Variants in ASB7 observed in about 807,000 individuals in gnomAD.
ASB7 encodes ankyrin repeat and SOCS box containing 7.
In ASB7, 4 loss-of-function variants were observed where a neutral mutation model predicts 32.5. The ratio of observed to expected loss-of-function variants is 0.12; its 90% CI spans 0.06 to 0.28. ASB7 has a LOEUF of 0.28. Ranked by LOEUF, ASB7 falls within the 10% of genes least tolerant of loss-of-function variation. ASB7 has a pLI of 1.00. For missense variants in ASB7, 181 were observed against 407.1 expected, an observed-to-expected ratio of 0.44 and a Z score of 4.78; for synonymous variants, 172 against 155.6, an observed-to-expected ratio of 1.11 and a Z score of -0.78.
intron 5 of ASB7, chr15:100,646,064 A>G (rs961127785): frequency 3.0e-5 from 12 of 406,334 alleles, no homozygotes; most frequent in African/African-American, 2.3e-4. Flanking sequence ...CCACTGCAAA[A>G]TTTAGTTCCT....
chr15:100,637,088 C>T (rs1033405446), intron 5 of ASB7, among the ~76,000 whole-genome samples: 1 of 152,300 alleles, frequency 6.6e-6, no homozygotes, highest in Middle Eastern at 3.4e-3. Flanking sequence ...CCTGTTCCTG[C>T]GAATGCTTTT....
At chr15:100,618,497 A>G (rs1233920866) in intron 4 of ASB7, among the ~76,000 whole-genome samples, 2 of 152,236 alleles carry the variant, frequency 1.3e-5, no homozygotes, top group Non-Finnish European at 2.9e-5. Flanking sequence ...TGTGGTGGAT[A>G]GTAAACCAAA....
chr15:100,632,781 AATT>A (rs2039893589), intron 5 of ASB7, among the ~76,000 whole-genome samples: 1 of 152,156 alleles, frequency 6.6e-6, no homozygotes, highest in African/African-American at 2.4e-5. Context: ...AGACCAAAAA[AATT>A]ATAATACCAG....
chr15:100,648,493 T>G lies in ASB7; in HGVS notation c.*31T>G. Reference sequence around the variant, plus strand: ...CAGAACTGTGAGCAAGATTAGGAGTTCTATTCTAGATACTTAAAAGGCTTT... The same window carrying G: ...CAGAACTGTGAGCAAGATTAGGAGTGCTATTCTAGATACTTAAAAGGCTTT... On this transcript the variant is annotated 3_prime_UTR_variant, in exon 6 of 6. Coordinates refer to ENST00000332783, the MANE Select transcript of ASB7 (RefSeq NM_198243.3). 6.4e-7 allele frequency: 1 copy of G among 1,561,168 alleles called. No individual in the cohort carries two copies. Among genetic ancestry groups the G allele is most frequent in the Non-Finnish European group, 8.8e-7 (1 of 1,142,576 alleles).
chr15:100,605,150 T>C (rs2039632383), intron 2 of ASB7, among the ~76,000 whole-genome samples: 1 of 152,220 alleles, frequency 6.6e-6, no homozygotes, highest in Admixed American at 6.5e-5. Flanking sequence ...ATAGTTTTTC[T>C]AAGATTAGGG....
At chr15:100,615,056 G>A (rs879639087) in intron 4 of ASB7, among the ~76,000 whole-genome samples, 1 of 152,132 alleles carries the variant, frequency 6.6e-6, no homozygotes, top group Admixed American at 6.5e-5. Context: ...GTTGCCTCCA[G>A]TATTCAGTAC....
intron 5 of ASB7, among the ~76,000 whole-genome samples, chr15:100,645,142 C>T (rs886966657): frequency 7.9e-5 from 12 of 152,176 alleles, no homozygotes; most frequent in Non-Finnish European, 1.6e-4. Flanking sequence ...CTGGAGTCCC[C>T]AAGACCCTTT....
At chr15:100,604,149 C>G (rs941887429) in intron 2 of ASB7, among the ~76,000 whole-genome samples, 1 of 152,210 alleles carries the variant, frequency 6.6e-6, no homozygotes, top group Non-Finnish European at 1.5e-5. Context: ...TTTTAGCACT[C>G]TATAAAAAAG....
chr15:100,629,652 G>A lies in ASB7; in HGVS notation c.427G>A (p.Val143Ile). ...VRLLLEFKAE[V>I]DPLSDKGTTP... is the part of the protein sequence containing the mutation. ...GCTCCTCCTGGAGTTCAAGGCTGAG[G>A]TTGACCCACTCAGTGATAAAGGTAC... Residue 143 changes from valine to isoleucine, a missense_variant, in exon 5 of 6, where the codon GTT becomes ATT. Transcript: ENST00000332783. This position sits in a 1 kb window ranked among gnomAD's most constrained non-coding sequence, Gnocchi z 6.8. 1.2e-6 allele frequency: 2 copies of A among 1,614,160 alleles called. No individual in the cohort carries two copies. Among genetic ancestry groups the A allele is most frequent in the East Asian group, 2.2e-5 (1 of 44,892 alleles).
In ASB7 at chr15:100,602,670, C is replaced by A. The variant is rs2039556928; in HGVS notation, c.-649C>A. On this transcript the variant is annotated 5_prime_UTR_variant, in exon 1 of 6. Coordinates refer to ENST00000332783, the MANE Select transcript of ASB7 (RefSeq NM_198243.3). ...CCGAAAGCCCCCTGTCCGGAGACCC[C>A]ACGGCTGGCACTTCGGGCCCCGTAT... is the stretch of plus-strand genomic sequence containing the variant. 2 of 293,376 alleles carry A rather than the reference C, an allele frequency of 6.8e-6. No homozygotes were observed. The highest frequency in any genetic ancestry group is 1.2e-5 in the Non-Finnish European group (2 of 160,384). The allele number at this position is 293,376 out of a possible 1,614,324, so 18.2% of individuals were successfully genotyped here.
Position 100,629,949 on chromosome 15 carries a change from A to T in ASB7, c.724A>T (p.Thr242Ser), listed in dbSNP as rs2039871428. The change falls in exon 5 of 6, where the codon ACA becomes TCA. Residue 242 changes from threonine to serine, a missense_variant. Physicochemically the swap from Thr to Ser is moderately conservative, Grantham distance 58. Transcript: ENST00000332783. The surrounding 1 kb of genome is among the most constrained non-coding windows in gnomAD (Gnocchi z 6.8). The stretch of plus-strand genomic sequence containing the variant: ...ATATAATTACGGAGCAGACACGAAC[A>T]CACGGAACTATGAAGGACAGACCCC... ...MLYNYGADTN[T>S]RNYEGQTPLA... The T allele has an allele frequency of 1.2e-6, 2 of 1,614,120 alleles. No individual in the cohort carries two copies. The highest frequency in any genetic ancestry group is 3.3e-5 in the Admixed American group (2 of 60,018).
At chr15:100,639,094 G>C (rs1443151901) in intron 5 of ASB7, among the ~76,000 whole-genome samples, 2 of 152,282 alleles carry the variant, frequency 1.3e-5, no homozygotes, top group Non-Finnish European at 2.9e-5. Flanking sequence ...AGTATGCTTT[G>C]GTGGTGTGTA....
At chr15:100,636,447 C>T (rs1404298021) in intron 5 of ASB7, among the ~76,000 whole-genome samples, 1 of 152,184 alleles carries the variant, frequency 6.6e-6, no homozygotes, top group Non-Finnish European at 1.5e-5. Flanking sequence ...CCACTGGGAT[C>T]AGGTGTCTCC....
At position 100,602,816 on chromosome 15, in the gene ASB7, A is replaced by G. The variant is rs755300739; in HGVS notation, c.-503A>G. On this transcript the variant is annotated 5_prime_UTR_variant, in exon 1 of 6. Coordinates refer to ENST00000332783, the MANE Select transcript of ASB7 (RefSeq NM_198243.3). Reference sequence around the variant, plus strand: ...CCGGGACTGCCCCCCCACCCGAGCCAGGACTTCCTCCCTGCCTCCCTGCAC... The same window carrying G: ...CCGGGACTGCCCCCCCACCCGAGCCGGGACTTCCTCCCTGCCTCCCTGCAC... 101 of 380,008 alleles carry G rather than the reference A, an allele frequency of 2.7e-4. No individual in the cohort carries two copies. Among genetic ancestry groups the G allele is most frequent in the Admixed American group, 6.3e-4 (14 of 22,208 alleles). 23.5% of individuals were successfully genotyped at this position (380,008 alleles called of 1,614,324 possible). A position where few individuals can be genotyped will look rare whatever the true frequency, so the allele number is the denominator to read the frequency against.
intron 4 of ASB7, among the ~76,000 whole-genome samples, chr15:100,619,566 A>G (rs1020475782): frequency 2.6e-5 from 4 of 152,256 alleles, no homozygotes; most frequent in African/African-American, 9.6e-5. Context: ...AAGGAGCAGG[A>G]GGGAAGCTAG....
At chr15:100,626,617 C>T (rs1295406596) in intron 4 of ASB7, among the ~76,000 whole-genome samples, 1 of 152,130 alleles carries the variant, frequency 6.6e-6, no homozygotes, top group South Asian at 2.1e-4. Context: ...CTGTCCCCCT[C>T]TCCTTCTCTC....
intron 5 of ASB7, among the ~76,000 whole-genome samples, chr15:100,636,192 G>C (rs911615327): frequency 2.0e-5 from 3 of 152,186 alleles, no homozygotes; most frequent in African/African-American, 7.2e-5. Flanking sequence ...CCATGGCTCT[G>C]AATTTGTTTC....
chr15:100,606,275 A>G (rs966389299), intron 2 of ASB7, among the ~76,000 whole-genome samples: 2 of 152,100 alleles, frequency 1.3e-5, no homozygotes, highest in African/African-American at 4.8e-5. Context: ...TTTACTTTGC[A>G]AAGAAATGCT....
chr15:100,634,191 A>G (rs1476625113), intron 5 of ASB7, among the ~76,000 whole-genome samples: 2 of 152,210 alleles, frequency 1.3e-5, no homozygotes, highest in African/African-American at 4.8e-5. Flanking sequence ...CTCACAGGGT[A>G]AACTCCCATA....
Sources: allele counts gnomAD v4.1 joint callset (sites outside exome capture counted in the v4.1 genomes callset), GRCh38; gene constraint gnomAD v4.1.1; non-coding constraint Gnocchi (gnomAD v3.1); transcripts MANE v1.5; gene names NCBI Gene and HGNC (gene_info 2026-07-23, HGNC 2026-07-21).